WBP4: variants seen among roughly 807,000 people sequenced by gnomAD.
WBP4 encodes the protein WW domain-binding protein 4.
A neutral mutation model predicts 55.4 loss-of-function variants in WBP4; 37 were observed. The ratio of observed to expected loss-of-function variants is 0.67; its 90% CI spans 0.51 to 0.88. The LOEUF is 0.88. Among genes scored for constraint, WBP4 ranks in the 40% least tolerant of loss-of-function variants. The pLI is 0.00. For synonymous variants in WBP4, 142 were observed against 140.2 expected (o/e 1.01, Z -0.09); for missense variants, 398 against 420.8 (o/e 0.95, Z 0.47).
chr13:41,081,955 G>A (rs1414562221), intron 9 of WBP4, among the ~76,000 whole-genome samples: 5 of 152,234 alleles, frequency 3.3e-5, no homozygotes, highest in Admixed American at 3.3e-4. Flanking sequence ...GAGTCTCATA[G>A]ATGGGACTGA....
At chr13:41,072,569 A>T (rs941604119) in intron 6 of WBP4, among the ~76,000 whole-genome samples, 1 of 152,224 alleles carries the variant, frequency 6.6e-6, no homozygotes, top group Non-Finnish European at 1.5e-5. Context: ...TGTTGAAACC[A>T]TGAGAAACCA....
chr13:41,073,444 C>T (rs1199457380), intron 7 of WBP4, among the ~76,000 whole-genome samples: 3 of 150,564 alleles, frequency 2.0e-5, no homozygotes, highest in African/African-American at 7.3e-5. Context: ...ACCTGGGAGG[C>T]GGAGGTTGCA....
chr13:41,069,431 G>A (rs1878129987), intron 5 of WBP4, among the ~76,000 whole-genome samples: 1 of 152,148 alleles, frequency 6.6e-6, no homozygotes, highest in African/African-American at 2.4e-5. Flanking sequence ...GGGAGGCTGA[G>A]ATGGGCAGAT....
At chr13:41,062,108 T>TTTTG (rs1877690632) in intron 1 of WBP4, 1 of 963,884 alleles carries the variant, frequency 1.0e-6, no homozygotes, top group African/African-American at 2.0e-5. Context: ...TTTTTTTTTT[T>TTTTG]TTTTTTTTTT....
intron 8 of WBP4, among the ~76,000 whole-genome samples, chr13:41,077,609 A>G (rs1395810764): frequency 6.6e-6 from 1 of 152,204 alleles, no homozygotes; most frequent in Non-Finnish European, 1.5e-5. Flanking sequence ...ACTCCTTTTC[A>G]ACATAATATT....
rs1878895774 is a variant in WBP4, at chr13:41,083,907, T to C, written c.*993T>C. 1 of 152,340 alleles carries C rather than the reference T, an allele frequency of 6.6e-6. No individual in the cohort carries two copies. The highest frequency in any genetic ancestry group is 2.1e-4 in the South Asian group (1 of 4,832). The allele number at this position is 152,340 out of a possible 1,614,324, so 9.4% of individuals were successfully genotyped here. ...CAAATTCACAAAATTACATTTCTCA[T>C]AAATTGTATAGTATTTAACTTATAA... On this transcript the variant is annotated 3_prime_UTR_variant, in exon 10 of 10. Transcript: ENST00000379487.
At chr13:41,077,904 CA>C (rs148480921) in intron 8 of WBP4, among the ~76,000 whole-genome samples, 18 of 147,420 alleles carry the variant, frequency 1.2e-4, no homozygotes, top group Admixed American at 6.1e-4. Flanking sequence ...GTGGTAACTA[CA>C]AAAAAAAAAT....
rs747245791 is a variant in WBP4, at chr13:41,061,678, G to T, written c.2+3G>T. On this transcript the variant is annotated splice_donor_region_variant and intron_variant, in intron 1 of 9. Coordinates refer to ENST00000379487, the MANE Select transcript of WBP4 (RefSeq NM_007187.5). ...TGCAGAGCGGCTGGCGCAGTCATGT[G>T]AGTTGGGTCTCAGGCCCTGAACAAC... is the stretch of plus-strand genomic sequence containing the variant. The T allele has an allele frequency of 6.2e-6, 10 of 1,614,110 alleles. No individual in the cohort carries two copies. Among genetic ancestry groups the T allele is most frequent in the Non-Finnish European group, 6.8e-6 (8 of 1,180,024 alleles).
intron 2 of WBP4, among the ~76,000 whole-genome samples, chr13:41,064,144 C>T (rs975481637): frequency 2.0e-5 from 3 of 151,700 alleles, no homozygotes; most frequent in Non-Finnish European, 4.4e-5. Context: ...TTCCAGCATA[C>T]ATAAAAGGTA....
chr13:41,062,128 G>A, intron 1 of WBP4: 1 of 431,444 alleles, frequency 2.3e-6, no homozygotes, highest in African/African-American at 2.8e-5. Context: ...TTTTTTTGTC[G>A]GCCGTCTACG....
rs1878475908 is a variant in WBP4, at chr13:41,076,169, G to A, written c.688G>A (p.Asp230Asn). Residue 230 changes from aspartate (D) to asparagine (N), a missense_variant, in exon 8 of 10, where the codon GAT becomes AAT. Transcript: ENST00000379487. Reference sequence around the variant, plus strand: ...ATCATCAGATTCGCATAGTGATTCTGATGGGGAACAGGAAGCAGAAGAAGG... The same window carrying A: ...ATCATCAGATTCGCATAGTGATTCTAATGGGGAACAGGAAGCAGAAGAAGG... ...SKSSDSHSDS[D>N]GEQEAEEGGV... The A allele has an allele frequency of 6.2e-7, 1 of 1,612,570 alleles. No homozygotes were observed. Among genetic ancestry groups the A allele is most frequent in the Non-Finnish European group, 8.5e-7 (1 of 1,179,850 alleles).
chr13:41,064,536 G>A (rs1242927954), intron 2 of WBP4, among the ~76,000 whole-genome samples: 1 of 152,062 alleles, frequency 6.6e-6, no homozygotes, highest in South Asian at 2.1e-4. Context: ...TATAATTTAC[G>A]AGGAATCTTA....
In WBP4 at chr13:41,065,167, A is replaced by G. The variant is rs940516082; in HGVS notation, c.142A>G (p.Lys48Glu). ...CTGTTATGTATGTCTTACATAGATT[A>G]AACAGAAAAGCCTGGATAAGGCAAA... Reference protein sequence around the residue: ...ENVAKRISEIKQKSLDKAKEE... With the variant: ...ENVAKRISEIEQKSLDKAKEE... The change falls in exon 4 of 10, where the codon AAA becomes GAA. Residue 48 changes from lysine to glutamate, a missense_variant. Coordinates refer to ENST00000379487, the MANE Select transcript of WBP4 (RefSeq NM_007187.5). 1.2e-6 allele frequency: 2 copies of G among 1,611,046 alleles called. No homozygotes were observed. Among genetic ancestry groups the G allele is most frequent in the Non-Finnish European group, 1.7e-6 (2 of 1,179,134 alleles).
At chr13:41,064,670 A>AT (rs1218041205) in intron 2 of WBP4, among the ~76,000 whole-genome samples, 3 of 151,946 alleles carry the variant, frequency 2.0e-5, no homozygotes, top group Non-Finnish European at 4.4e-5. Flanking sequence ...GTTGTTTAAG[A>AT]TTTTTTTCCC....
intron 4 of WBP4, among the ~76,000 whole-genome samples, chr13:41,066,427 A>G (rs1043808293): frequency 1.1e-4 from 17 of 152,032 alleles, no homozygotes; most frequent in African/African-American, 4.1e-4. Flanking sequence ...TCTTTTTTTA[A>G]ATTACATATT....
rs10507490 is a variant in WBP4, at chr13:41,064,711, C to T, written c.76-305C>T. ...TTTTGGCTTCATGTCACGTTTGAGT[C>T]CTCATTACAATCATAGTCACTAGAT... is the stretch of plus-strand genomic sequence containing the variant. On this transcript the variant is annotated intron_variant, in intron 2 of 9. Coordinates refer to ENST00000379487, the MANE Select transcript of WBP4 (RefSeq NM_007187.5). 2.7e-3 allele frequency among the ~76,000 whole-genome samples: 416 copies of T among 152,082 alleles called. 8 individuals carry two copies. In the East Asian group the frequency reaches 0.049, roughly 18 times the overall value.
chr13:41,083,102 C>T lies in WBP4; in HGVS notation c.*188C>T, dbSNP rs1878857268. 1 of 589,996 alleles carries T rather than the reference C, an allele frequency of 1.7e-6. No homozygotes were observed. Among genetic ancestry groups the T allele is most frequent in the Non-Finnish European group, 2.9e-6 (1 of 346,700 alleles). 36.5% of individuals were successfully genotyped at this position (589,996 alleles called of 1,614,324 possible). On this transcript the variant is annotated 3_prime_UTR_variant, in exon 10 of 10. Coordinates refer to ENST00000379487, the MANE Select transcript of WBP4 (RefSeq NM_007187.5). ...TTTGGTTCCTAAAATGGAAGCCTAC[C>T]ACATTGCATTGTAATACAGTGTATT...
intron 2 of WBP4, 137 bp from the exon 3 acceptor site, chr13:41,064,879 A>G: frequency 1.2e-6 from 1 of 815,128 alleles, no homozygotes; most frequent in Non-Finnish European, 1.8e-6. Flanking sequence ...GCCAATTTGC[A>G]TTAAATTAAT....
In WBP4 at chr13:41,070,070, CAAAT is replaced by C. The variant is rs200454626; in HGVS notation, c.439+1340_439+1343del. Among the ~76,000 whole-genome samples the C allele has an allele frequency of 3.0e-3, 458 of 151,930 alleles. 7 individuals are homozygous for C. The East Asian group carries it at 0.05, about 17-fold the overall frequency. On this transcript the variant is annotated intron_variant, in intron 5 of 9. Transcript: ENST00000379487. Reference sequence around the variant, plus strand: ...TCTCCAGAGTCATAAAATTTAGCGACAAATAAATAAGCTTGATAAAAGGAGGAAT... The same window carrying C: ...TCTCCAGAGTCATAAAATTTAGCGACAAATAAGCTTGATAAAAGGAGGAAT...
Sources: gnomAD v4.1 joint callset for allele counts (sites outside exome capture counted in the v4.1 genomes callset) on GRCh38, gnomAD v4.1.1 for gene constraint, MANE v1.5 for transcripts, NCBI Gene and HGNC (gene_info 2026-07-23, HGNC 2026-07-21) for gene names.